The following ABTB2 variants were observed in gnomAD, a reference collection of about 807,000 sequenced individuals.
ABTB2 encodes ankyrin repeat and BTB/POZ domain-containing protein 2.
ABTB2 carries 56 observed loss-of-function variants against 104.1 expected under a neutral mutation model. That is an observed-to-expected ratio of 0.54 (90% confidence interval 0.43 to 0.67). The LOEUF is 0.67. ABTB2 is among the 30% of genes least tolerant of loss of function. ABTB2 has a pLI of 0.00. For missense variants in ABTB2, 1,279 were observed against 1,407.7 expected, an observed-to-expected ratio of 0.91 and a Z score of 1.46; for synonymous variants, 606 against 608.2, an observed-to-expected ratio of 1.00 and a Z score of 0.05.
intron 1 of ABTB2, among the ~76,000 whole-genome samples, chr11:34,286,655 C>T (rs887033848): frequency 2.6e-5 from 4 of 152,116 alleles, no homozygotes; most frequent in Non-Finnish European, 4.4e-5. Flanking sequence ...CACCCTTCTT[C>T]CAGCATCCAC....
intron 3 of ABTB2, among the ~76,000 whole-genome samples, chr11:34,186,629 T>G (rs1189998895): frequency 6.6e-6 from 1 of 152,156 alleles, no homozygotes; most frequent in African/African-American, 2.4e-5. Context: ...CGAGGACCGG[T>G]GGGTCCAACA....
chr11:34,173,817 G>T (rs1852921416), intron 3 of ABTB2, among the ~76,000 whole-genome samples: 1 of 152,160 alleles, frequency 6.6e-6, no homozygotes, highest in Non-Finnish European at 1.5e-5. Flanking sequence ...GCAGGGTCAG[G>T]TCACCATCCC....
Position 34,357,564 on chromosome 11 carries a change from G to A in ABTB2, c.20C>T (p.Ser7Leu). MAGTYS[S>L]TLKTLEDLTL... ...CAAGTCCTCCAGCGTCTTCAGAGTC[G>A]AGCTGTACGTCCCGGCCATGGGGAG... The change falls in exon 1 of 17, where the codon TCG (serine) becomes TTG (leucine). Residue 7 changes from serine to leucine, a missense_variant. By Grantham distance (145) the Ser-to-Leu change is moderately radical. Transcript: ENST00000435224. 1 of 1,521,378 alleles carries A rather than the reference G, an allele frequency of 6.6e-7. No homozygotes were observed. Among genetic ancestry groups the A allele is most frequent in the Non-Finnish European group, 8.8e-7 (1 of 1,135,120 alleles). The allele number at this position is 1,521,378 out of a possible 1,614,324, so 94.2% of individuals were successfully genotyped here. A position where few individuals can be genotyped will look rare whatever the true frequency, so the allele number is the denominator to read the frequency against.
At chr11:34,320,989 C>G (rs1309577714) in intron 1 of ABTB2, among the ~76,000 whole-genome samples, 1 of 152,076 alleles carries the variant, frequency 6.6e-6, no homozygotes, top group Non-Finnish European at 1.5e-5. Context: ...TCAAGACCAG[C>G]CTGACCAACA....
At chr11:34,302,960 A>T (rs909026158) in intron 1 of ABTB2, among the ~76,000 whole-genome samples, 1 of 152,172 alleles carries the variant, frequency 6.6e-6, no homozygotes, top group African/African-American at 2.4e-5. Flanking sequence ...TAAGGACCTG[A>T]TAAGACACCT....
intron 1 of ABTB2, among the ~76,000 whole-genome samples, chr11:34,251,649 A>C (rs1256739702): frequency 3.3e-5 from 5 of 152,174 alleles, no homozygotes; most frequent in South Asian, 4.1e-4. Flanking sequence ...AAGACTCCTG[A>C]ACTTTTTTTT....
chr11:34,238,603 A>G (rs905504708), intron 1 of ABTB2, among the ~76,000 whole-genome samples: 1 of 152,188 alleles, frequency 6.6e-6, no homozygotes, highest in African/African-American at 2.4e-5. Context: ...AACATATATG[A>G]GCCATTAAGT....
chr11:34,205,924 G>A (rs748301087), intron 1 of ABTB2, among the ~76,000 whole-genome samples: 1 of 152,216 alleles, frequency 6.6e-6, no homozygotes, highest in Non-Finnish European at 1.5e-5. Context: ...GGGCTGCTGT[G>A]AGGATTAACT....
intron 1 of ABTB2, among the ~76,000 whole-genome samples, chr11:34,222,166 C>T (rs1215561249): frequency 2.0e-5 from 3 of 152,134 alleles, no homozygotes; most frequent in African/African-American, 7.2e-5. Context: ...TTCTGATTGG[C>T]AATTGGTTGA....
At chr11:34,263,959 GA>G (rs1486888860) in intron 1 of ABTB2, among the ~76,000 whole-genome samples, 1 of 152,204 alleles carries the variant, frequency 6.6e-6, no homozygotes, top group African/African-American at 2.4e-5. Flanking sequence ...TGCAGGCCCA[GA>G]CGGTTCTCCT....
intron 1 of ABTB2, among the ~76,000 whole-genome samples, chr11:34,353,848 G>A (rs1041883483): frequency 1.3e-5 from 2 of 152,164 alleles, no homozygotes; most frequent in African/African-American, 2.4e-5. Flanking sequence ...ATTCTAACCA[G>A]CACTCTCCTT....
At chr11:34,345,487 C>CAGAACT (rs1564937712) in intron 1 of ABTB2, among the ~76,000 whole-genome samples, 9 of 152,256 alleles carry the variant, frequency 5.9e-5, no homozygotes, top group African/African-American at 2.2e-4. Flanking sequence ...ACGGATGTAA[C>CAGAACT]CCAAACAGAA....
At chr11:34,249,032 G>A (rs1362746760) in intron 1 of ABTB2, among the ~76,000 whole-genome samples, 1 of 152,244 alleles carries the variant, frequency 6.6e-6, no homozygotes, top group African/African-American at 2.4e-5. Flanking sequence ...AGGAGGCTGA[G>A]GCAAGAGATT....
chr11:34,256,889 T>C (rs201553354), intron 1 of ABTB2, among the ~76,000 whole-genome samples: 1 of 152,202 alleles, frequency 6.6e-6, no homozygotes, highest in Admixed American at 6.5e-5. Context: ...GTCATGGCTG[T>C]GCAGCTGCAA....
intron 1 of ABTB2, among the ~76,000 whole-genome samples, chr11:34,239,441 C>T (rs1467800267): frequency 6.6e-6 from 1 of 152,218 alleles, no homozygotes; most frequent in Non-Finnish European, 1.5e-5. Context: ...AGCAATCCTC[C>T]TACCTCAGCC....
At chr11:34,237,958 C>A (rs969794994) in intron 1 of ABTB2, among the ~76,000 whole-genome samples, 1 of 152,158 alleles carries the variant, frequency 6.6e-6, no homozygotes, top group Non-Finnish European at 1.5e-5. Flanking sequence ...CTCACTAAGT[C>A]TTTAAATTGA....
intron 8 of ABTB2, 32 bp from the exon 9 acceptor site, chr11:34,164,853 C>T (rs1307987847): frequency 1.3e-6 from 2 of 1,575,230 alleles, no homozygotes; most frequent in East Asian, 2.3e-5. Flanking sequence ...ACGGAGGACA[C>T]TGAGACAGTA....
intron 14 of ABTB2, among the ~76,000 whole-genome samples, chr11:34,156,178 C>T (rs1852623664): frequency 6.6e-6 from 1 of 152,230 alleles, no homozygotes; most frequent in African/African-American, 2.4e-5. Flanking sequence ...TCTTGGCATC[C>T]GTGGCACATG....
intron 5 of ABTB2, among the ~76,000 whole-genome samples, chr11:34,169,882 C>A (rs1026761246): frequency 3.3e-5 from 5 of 152,198 alleles, no homozygotes; most frequent in Non-Finnish European, 7.3e-5. Context: ...AGGAAGCTTC[C>A]CCTTGCAGCC....
Sources: gnomAD v4.1 joint callset for allele counts (sites outside exome capture counted in the v4.1 genomes callset) on GRCh38, gnomAD v4.1.1 for gene constraint, MANE v1.5 for transcripts, NCBI Gene and HGNC (gene_info 2026-07-23, HGNC 2026-07-21) for gene names.